The following ZFP91 variants were observed in gnomAD, a reference collection of about 807,000 sequenced individuals.
ZFP91 encodes the protein E3 ubiquitin-protein ligase ZFP91.
Under a neutral mutation model 63.5 loss-of-function variants are expected in ZFP91, and 7 were observed. The ratio of observed to expected loss-of-function variants is 0.11; its 90% confidence interval spans 0.06 to 0.21. The LOEUF (loss-of-function observed/expected upper bound fraction) is 0.21. ZFP91 is among the 10% of genes least tolerant of loss of function. The probability of loss-of-function intolerance (pLI) is 1.00; values close to 1 mark genes in which losing one functional copy is unlikely to be tolerated. For synonymous variants in ZFP91, 330 were observed against 272.1 expected (o/e 1.21, Z -2.10); for missense variants, 628 against 736.6 (o/e 0.85, Z 1.71).
chr11:58,592,211 T>A (rs1209135583), intron 2 of ZFP91, among the ~76,000 whole-genome samples: 1 of 151,558 alleles, frequency 6.6e-6, no homozygotes, highest in Non-Finnish European at 1.5e-5. Flanking sequence ...GCCTCCTGAT[T>A]AGCTGGGATT....
chr11:58,611,799 G>C (rs1290209406), intron 6 of ZFP91, 61 bp downstream of exon 6: 2 of 1,538,544 alleles, frequency 1.3e-6, no homozygotes. Flanking sequence ...GTGGAAAAAA[G>C]AGTGGGAGTG....
intron 2 of ZFP91, among the ~76,000 whole-genome samples, chr11:58,608,739 G>A (rs1855608712): frequency 6.6e-6 from 1 of 152,076 alleles, no homozygotes; most frequent in Non-Finnish European, 1.5e-5. Context: ...CCAGTAGCTG[G>A]GATTGCAGTT....
chr11:58,611,568 C>G, intron 5 of ZFP91, 36 bp from the exon 6 acceptor site: 1 of 1,594,910 alleles, frequency 6.3e-7, no homozygotes, highest in Non-Finnish European at 8.5e-7. Flanking sequence ...TTGAAAAGAT[C>G]TTTTGTCTAG....
intron 2 of ZFP91, among the ~76,000 whole-genome samples, chr11:58,597,862 G>A (rs1474647081): frequency 6.6e-6 from 1 of 152,006 alleles, no homozygotes; most frequent in African/African-American, 2.4e-5. Context: ...TTGTAATACC[G>A]TGACTTTTCT....
intron 4 of ZFP91, 115 bp downstream of exon 4, chr11:58,610,449 C>A: frequency 9.6e-7 from 1 of 1,045,964 alleles, no homozygotes; most frequent in Non-Finnish European, 1.3e-6. Context: ...GAGAAATTAA[C>A]TTCAGTTTTG....
In ZFP91 at chr11:58,609,902, C is replaced by T. The variant is rs758433507; in HGVS notation, c.443C>T (p.Pro148Leu). The change falls in exon 3 of 11, where the codon CCT becomes CTT. Residue 148 changes from proline to leucine, a missense_variant. By Grantham distance (98) the Pro-to-Leu change is moderately conservative. Around this residue, in one of 3 missense-constraint regions of ZFP91, gnomAD observed 437 missense variants for 380.3 expected, o/e 1.15. Coordinates refer to ENST00000316059, the MANE Select transcript of ZFP91 (RefSeq NM_053023.5). ...PQEVSIAASRPSRGWRSSRTS... is the reference protein window; with the variant it reads ...PQEVSIAASRLSRGWRSSRTS... ...GAAGTTTCCATTGCTGCATCTAGAC[C>T]TAGCCGGGGCTGGCGTAGTAGTAGG... 7.4e-6 allele frequency: 12 copies of T among 1,614,028 alleles called. No homozygotes were observed. The Admixed American group carries it at 1.8e-4, about 25-fold the overall frequency.
chr11:58,591,293 G>T (rs1187835563), intron 2 of ZFP91, among the ~76,000 whole-genome samples: 1 of 152,184 alleles, frequency 6.6e-6, no homozygotes, highest in Non-Finnish European at 1.5e-5. Flanking sequence ...GTTTGTCATA[G>T]ATCGTTTATT....
At chr11:58,603,776 G>A (rs973029973) in intron 2 of ZFP91, among the ~76,000 whole-genome samples, 1 of 152,278 alleles carries the variant, frequency 6.6e-6, no homozygotes, top group East Asian at 1.9e-4. Context: ...CTAGGTTTTG[G>A]ACTAACTTGG....
rs1043219818 is a variant in ZFP91 at position 58,620,593 on chromosome 11, A to C, written c.*2887A>C. The stretch of plus-strand genomic sequence containing the variant: ...AAACACTGGCCATGGCCGTGGGAGT[A>C]CTGGGAGTAAAATAAAAATATCGAG... On this transcript the variant is annotated 3_prime_UTR_variant, in exon 11 of 11. Coordinates refer to ENST00000316059, the MANE Select transcript of ZFP91 (RefSeq NM_053023.5). The C allele has an allele frequency of 6.6e-6, 1 of 152,628 alleles. No individual in the cohort carries two copies. Among genetic ancestry groups the C allele is most frequent in the African/African-American group, 2.4e-5 (1 of 41,452 alleles). 9.5% of individuals were successfully genotyped at this position (152,628 alleles called of 1,614,324 possible).
chr11:58,592,717 A>G (rs967630143), intron 2 of ZFP91, among the ~76,000 whole-genome samples: 9 of 152,312 alleles, frequency 5.9e-5, no homozygotes, highest in Non-Finnish European at 1.2e-4. Flanking sequence ...ACAGACTTTC[A>G]GTTAAATTGG....
chr11:58,598,373 C>T (rs989023576), intron 2 of ZFP91, among the ~76,000 whole-genome samples: 7 of 151,964 alleles, frequency 4.6e-5, no homozygotes, highest in African/African-American at 1.7e-4. Context: ...TTCAAATTGT[C>T]ACAAATCTCC....
intron 1 of ZFP91, among the ~76,000 whole-genome samples, chr11:58,582,701 C>T (rs1855139157): frequency 1.3e-5 from 2 of 152,130 alleles, no homozygotes. Flanking sequence ...TTAACCTCTT[C>T]ATTTATAATT....
At chr11:58,594,175 C>CT (rs1389096904) in intron 2 of ZFP91, among the ~76,000 whole-genome samples, 5 of 152,126 alleles carry the variant, frequency 3.3e-5, no homozygotes, top group African/African-American at 1.2e-4. Flanking sequence ...CCTTGTTAGA[C>CT]TTTTTTATGC....
At chr11:58,591,748 C>T (rs1178302878) in intron 2 of ZFP91, among the ~76,000 whole-genome samples, 3 of 152,080 alleles carry the variant, frequency 2.0e-5, no homozygotes, top group Non-Finnish European at 4.4e-5. Flanking sequence ...AAGCATTATG[C>T]AGGCAAGACA....
intron 2 of ZFP91, among the ~76,000 whole-genome samples, chr11:58,587,231 A>G (rs2134391959): frequency 6.6e-6 from 1 of 152,328 alleles, no homozygotes; most frequent in African/African-American, 2.4e-5. Context: ...GAAAGCTACT[A>G]TGCTAAAATA....
chr11:58,611,197 G>A, intron 5 of ZFP91, 143 bp downstream of exon 5: 1 of 626,628 alleles, frequency 1.6e-6, no homozygotes, highest in Non-Finnish European at 2.7e-6. Flanking sequence ...TCTTTTGTAA[G>A]TCTAACACCT....
chr11:58,614,803 G>A lies in ZFP91; in HGVS notation c.1102+460G>A, dbSNP rs565351621. On this transcript the variant is annotated intron_variant, in intron 9 of 10. Coordinates refer to ENST00000316059, the MANE Select transcript of ZFP91 (RefSeq NM_053023.5). ...ACTGTGAAGTCTAGCTGTTGAATTT[G>A]CATGTAAACTCCCATAGGAACTGTC... Among the ~76,000 whole-genome samples, 144 of 152,280 alleles carry A rather than the reference G, an allele frequency of 9.5e-4. 1 individual carries two copies. The highest frequency in any genetic ancestry group is 3.2e-3 in the African/African-American group (134 of 41,566).
chr11:58,596,574 C>A (rs1309744899), intron 2 of ZFP91, among the ~76,000 whole-genome samples: 1 of 152,090 alleles, frequency 6.6e-6, no homozygotes, highest in African/African-American at 2.4e-5. Flanking sequence ...GATCGTCTGG[C>A]CCCTGTTCAA....
intron 2 of ZFP91, among the ~76,000 whole-genome samples, chr11:58,591,027 C>T (rs1370116605): frequency 6.6e-6 from 1 of 152,018 alleles, no homozygotes; most frequent in African/African-American, 2.4e-5. Flanking sequence ...TTCTCCTCCC[C>T]CTTCTTTATT....
Sources: gnomAD v4.1 joint callset for allele counts (sites outside exome capture counted in the v4.1 genomes callset) on GRCh38, gnomAD v4.1.1 for gene constraint, gnomAD v4.1.1 regional missense constraint, MANE v1.5 for transcripts, NCBI Gene and HGNC (gene_info 2026-07-23, HGNC 2026-07-21) for gene names.